The following PSEN1 variants were observed in gnomAD, a reference collection of about 807,000 sequenced individuals.
The protein encoded by PSEN1 is presenilin-1.
In PSEN1, 15 loss-of-function variants were observed where a neutral mutation model predicts 53.5. That is an observed-to-expected ratio of 0.28 (90% confidence interval 0.19 to 0.43). PSEN1 has a LOEUF of 0.43. PSEN1 is among the 20% of genes least tolerant of loss of function. PSEN1 has a pLI of 1.00. For synonymous variants in PSEN1, 208 were observed against 209.8 expected (o/e 0.99, Z 0.08); for missense variants, 387 against 571.2 (o/e 0.68, Z 3.29).
intron 10 of PSEN1, among the ~76,000 whole-genome samples, chr14:73,215,364 A>T (rs1350623138): frequency 6.6e-6 from 1 of 151,592 alleles, no homozygotes; most frequent in Non-Finnish European, 1.5e-5. Flanking sequence ...TTGGTGGATC[A>T]CCTGAGGTTT....
In PSEN1 at chr14:73,198,833, G is replaced by C. The variant is rs7147896; in HGVS notation, c.868+704G>C. 6.7e-3 allele frequency among the ~76,000 whole-genome samples: 1,024 copies of C among 152,270 alleles called. 10 individuals are homozygous for C. Among genetic ancestry groups the C allele is most frequent in the African/African-American group, 0.024 (998 of 41,558 alleles). Reference sequence around the variant, plus strand: ...CTCCCATCCAGGATGGAGTACAGTAGTGTGATCATGGCTCACTGCAGCCTC... The same window carrying C: ...CTCCCATCCAGGATGGAGTACAGTACTGTGATCATGGCTCACTGCAGCCTC... On this transcript the variant is annotated intron_variant, in intron 8 of 11. Coordinates refer to ENST00000324501, the MANE Select transcript of PSEN1 (RefSeq NM_000021.4).
chr14:73,159,721 A>C (rs189488874), intron 3 of PSEN1, among the ~76,000 whole-genome samples: 1 of 152,190 alleles, frequency 6.6e-6, no homozygotes, highest in African/African-American at 2.4e-5. Flanking sequence ...CTGAAACTCT[A>C]TACTCATTGG....
At chr14:73,172,732 A>G (rs1053587765) in intron 4 of PSEN1, among the ~76,000 whole-genome samples, 14 of 152,334 alleles carry the variant, frequency 9.2e-5, no homozygotes, top group Middle Eastern at 3.4e-3. Context: ...TAATGCACAT[A>G]CTTTCTCTCT....
At chr14:73,163,300 G>A (rs1897611872) in intron 3 of PSEN1, among the ~76,000 whole-genome samples, 1 of 152,160 alleles carries the variant, frequency 6.6e-6, no homozygotes, top group Admixed American at 6.5e-5. Context: ...CAAGATGGCT[G>A]GACTCGATGG....
intron 3 of PSEN1, among the ~76,000 whole-genome samples, chr14:73,164,554 C>CT (rs1179929315): frequency 3.3e-5 from 5 of 152,142 alleles, no homozygotes; most frequent in African/African-American, 4.8e-5. Flanking sequence ...TCAGGAGATA[C>CT]TTTTTTTATC....
rs1900097643 is a variant in PSEN1 at position 73,220,490 on chromosome 14, A to G, written c.*1201A>G. ...GCCAAAAGCTGGTGGTTGATGAATTATGAACTAGTTGTATCAACACAAAGC... is the reference window on the plus strand; with the variant it reads ...GCCAAAAGCTGGTGGTTGATGAATTGTGAACTAGTTGTATCAACACAAAGC... On this transcript the variant is annotated 3_prime_UTR_variant, in exon 12 of 12. Coordinates refer to ENST00000324501, the MANE Select transcript of PSEN1 (RefSeq NM_000021.4). 1 of 152,498 alleles carries G rather than the reference A, an allele frequency of 6.6e-6. No individual in the cohort carries two copies. Among genetic ancestry groups the G allele is most frequent in the Admixed American group, 6.5e-5 (1 of 15,280 alleles). 9.4% of individuals were successfully genotyped at this position (152,498 alleles called of 1,614,324 possible). A position where few individuals can be genotyped will look rare whatever the true frequency, so the allele number is the denominator to read the frequency against.
At chr14:73,181,254 A>G (rs949200923) in intron 5 of PSEN1, among the ~76,000 whole-genome samples, 3 of 152,182 alleles carry the variant, frequency 2.0e-5, no homozygotes, top group Non-Finnish European at 4.4e-5. Flanking sequence ...AGCCTGACCA[A>G]CATGGAGAAA....
chr14:73,202,419 TATATATATATATATATATATA>T (rs1899233263), intron 8 of PSEN1, among the ~76,000 whole-genome samples: 261 of 20,620 alleles, frequency 0.013, 7 homozygotes, highest in South Asian at 0.084. Context: ...TATCACATAC[TATATATATATATATATATATA>T]TATATATATA....
Position 73,197,308 on chromosome 14 carries a change from A to G in PSEN1, c.770-723A>G, listed in dbSNP as rs368422748. On this transcript the variant is annotated intron_variant, in intron 7 of 11. Coordinates refer to ENST00000324501, the MANE Select transcript of PSEN1 (RefSeq NM_000021.4). ...GAAAGAAATGGTGGTATAAACAGGAATAACAGGCATGTTGTTTCCTCTCTG... is the reference window on the plus strand; with the variant it reads ...GAAAGAAATGGTGGTATAAACAGGAGTAACAGGCATGTTGTTTCCTCTCTG... Among the ~76,000 whole-genome samples, 122 of 152,352 alleles carry G rather than the reference A, an allele frequency of 8.0e-4. 1 individual carries two copies. The South Asian group carries it at 0.024, about 30-fold the overall frequency.
intron 5 of PSEN1, 95 bp from the exon 6 acceptor site, chr14:73,186,758 C>CA: frequency 9.7e-7 from 1 of 1,034,554 alleles, no homozygotes; most frequent in East Asian, 2.4e-5. Context: ...GTCTGGGCGA[C>CA]AAAGTGAGAC....
intron 6 of PSEN1, among the ~76,000 whole-genome samples, chr14:73,191,135 A>G (rs1898697475): frequency 6.6e-6 from 1 of 152,198 alleles, no homozygotes; most frequent in African/African-American, 2.4e-5. Context: ...AAAAATACTT[A>G]ACATTCATTG....
intron 5 of PSEN1, among the ~76,000 whole-genome samples, chr14:73,185,455 C>T (rs1898467535): frequency 6.6e-6 from 1 of 152,170 alleles, no homozygotes. Context: ...ACCAGTCAGG[C>T]GTGGCGGCGT....
At position 73,221,312 on chromosome 14, in the gene PSEN1, G is replaced by A. The variant is rs1159294607; in HGVS notation, c.*2023G>A. On this transcript the variant is annotated 3_prime_UTR_variant, in exon 12 of 12. Transcript: ENST00000324501. The stretch of plus-strand genomic sequence containing the variant: ...TGGGTATTATCATTGAGAAAGCACA[G>A]CTACAGCAAAGCCACCTGAATAGCA... The A allele has an allele frequency of 6.6e-6, 1 of 152,210 alleles. No homozygotes were observed. The highest frequency in any genetic ancestry group is 1.5e-5 in the Non-Finnish European group (1 of 68,038). The allele number at this position is 152,210 out of a possible 1,614,324, so 9.4% of individuals were successfully genotyped here. A position where few individuals can be genotyped will look rare whatever the true frequency, so the allele number is the denominator to read the frequency against.
Position 73,140,662 on chromosome 14 carries a change from A to G in PSEN1, c.-136+4079A>G, listed in dbSNP as rs149385120. Among the ~76,000 whole-genome samples, 907 of 152,238 alleles carry G rather than the reference A, an allele frequency of 6.0e-3. 12 individuals are homozygous for G. The highest frequency in any genetic ancestry group is 0.021 in the African/African-American group (860 of 41,540). On this transcript the variant is annotated intron_variant, in intron 1 of 11. Coordinates refer to ENST00000324501, the MANE Select transcript of PSEN1 (RefSeq NM_000021.4). ...CTAAGACCCTGTAGGGGCATTATATAACTTCTGGCATTTGCATAGTACCTT... is the reference window on the plus strand; with the variant it reads ...CTAAGACCCTGTAGGGGCATTATATGACTTCTGGCATTTGCATAGTACCTT...
chr14:73,196,427 A>G (rs986369924), intron 7 of PSEN1, among the ~76,000 whole-genome samples: 11 of 148,536 alleles, frequency 7.4e-5, no homozygotes, highest in Admixed American at 2.7e-4. Context: ...ATTATATTGT[A>G]CATATATATT....
intron 1 of PSEN1, among the ~76,000 whole-genome samples, chr14:73,138,596 T>TCC (rs958154385): frequency 7.3e-5 from 11 of 151,486 alleles, no homozygotes; most frequent in Admixed American, 2.0e-4. Context: ...CAAGTGATCC[T>TCC]CCCGCCTTGG....
At chr14:73,184,208 C>A (rs1595018745) in intron 5 of PSEN1, among the ~76,000 whole-genome samples, 5 of 93,892 alleles carry the variant, frequency 5.3e-5, no homozygotes, top group Admixed American at 9.6e-5. Context: ...GGGGGCTGAC[C>A]CCCCCACCTC....
intron 9 of PSEN1, among the ~76,000 whole-genome samples, chr14:73,206,878 A>T (rs1566650868): frequency 6.6e-6 from 1 of 152,238 alleles, no homozygotes; most frequent in Non-Finnish European, 1.5e-5. Flanking sequence ...ATAAGTAAAC[A>T]AAAAAAGCAA....
intron 1 of PSEN1, among the ~76,000 whole-genome samples, chr14:73,140,099 T>C (rs1310182992): frequency 2.0e-5 from 3 of 152,112 alleles, no homozygotes; most frequent in African/African-American, 4.8e-5. Flanking sequence ...AAATAACTTA[T>C]TGGGAAAGAT....
Sources: gnomAD v4.1 joint callset for allele counts (sites outside exome capture counted in the v4.1 genomes callset) on GRCh38, gnomAD v4.1.1 for gene constraint, MANE v1.5 for transcripts, NCBI Gene and HGNC (gene_info 2026-07-23, HGNC 2026-07-21) for gene names.